ASIC2: variants seen among roughly 807,000 people sequenced by gnomAD.
ASIC2 encodes the protein acid-sensing ion channel 2.
Under a neutral mutation model 57.3 loss-of-function variants are expected in ASIC2, and 25 were observed. That is an observed-to-expected ratio of 0.44 (90% confidence interval 0.32 to 0.61). ASIC2 has a LOEUF of 0.61. ASIC2 is among the 20% of genes least tolerant of loss of function. ASIC2 has a pLI of 0.06. For synonymous variants in ASIC2, 319 were observed against 307.5 expected, an observed-to-expected ratio of 1.04 and a Z score of -0.39; for missense variants, 641 against 738.1, an observed-to-expected ratio of 0.87 and a Z score of 1.52.
At chr17:33,116,813 T>C (rs1429825898) in intron 1 of ASIC2, among the ~76,000 whole-genome samples, 2 of 152,156 alleles carry the variant, frequency 1.3e-5, no homozygotes, top group Admixed American at 1.3e-4. Context: ...TAGCTTCTAC[T>C]TTGTGCTGAC....
chr17:34,146,224 CTT>C (rs545884187), intron 1 of ASIC2, among the ~76,000 whole-genome samples: 94 of 152,282 alleles, frequency 6.2e-4, no homozygotes, highest in African/African-American at 2.3e-3. Flanking sequence ...TTATCGCCGT[CTT>C]GAGTTGAAAA....
At chr17:33,661,487 C>T (rs1907264176) in intron 1 of ASIC2, among the ~76,000 whole-genome samples, 2 of 152,172 alleles carry the variant, frequency 1.3e-5, no homozygotes, top group East Asian at 1.9e-4. Flanking sequence ...CTGGGTTCCC[C>T]TGGCCAAGTC....
chr17:33,086,790 T>A (rs1299867436), intron 3 of ASIC2, among the ~76,000 whole-genome samples: 1 of 152,110 alleles, frequency 6.6e-6, no homozygotes, highest in African/African-American at 2.4e-5. Flanking sequence ...TGTCTCCCCG[T>A]CTCTGTGGGA....
At chr17:33,177,995 T>TACACACAA (rs892634519) in intron 1 of ASIC2, among the ~76,000 whole-genome samples, 3 of 152,160 alleles carry the variant, frequency 2.0e-5, no homozygotes, top group African/African-American at 7.2e-5. Context: ...TGCACATACA[T>TACACACAA]ACACACAAAC....
At chr17:33,364,621 G>A (rs1466214292) in intron 1 of ASIC2, among the ~76,000 whole-genome samples, 3 of 152,128 alleles carry the variant, frequency 2.0e-5, no homozygotes, top group Admixed American at 2.0e-4. Context: ...TTGTGAAGAT[G>A]TGCTTGCTTC....
At chr17:33,946,313 T>G (rs56079229) in intron 1 of ASIC2, among the ~76,000 whole-genome samples, 19,522 of 152,156 alleles carry the variant, frequency 0.13, 1,404 homozygotes, top group South Asian at 0.22. Context: ...GACAGGTTGT[T>G]GGGTCTGGGG....
intron 3 of ASIC2, among the ~76,000 whole-genome samples, chr17:33,071,498 G>T (rs74797340): frequency 0.04 from 6,134 of 152,098 alleles, 189 homozygotes; most frequent in Non-Finnish European, 0.062. Context: ...ATGTTTTAAT[G>T]TCCTTGCTGG....
intron 1 of ASIC2, among the ~76,000 whole-genome samples, chr17:33,221,134 T>C (rs987200907): frequency 5.9e-5 from 9 of 152,184 alleles, no homozygotes; most frequent in African/African-American, 1.9e-4. Flanking sequence ...GAGTGGACAG[T>C]GGCTTCAATT....
chr17:33,940,680 A>C (rs1288480005), intron 1 of ASIC2, among the ~76,000 whole-genome samples: 2 of 152,334 alleles, frequency 1.3e-5, no homozygotes, highest in South Asian at 2.1e-4. Context: ...CTAGCAGGGG[A>C]CATAGTTATC....
chr17:33,479,977 C>T (rs1913351020), intron 1 of ASIC2, among the ~76,000 whole-genome samples: 1 of 152,204 alleles, frequency 6.6e-6, no homozygotes, highest in African/African-American at 2.4e-5. Context: ...CCCTCCTTCC[C>T]ATGGTGAACG....
chr17:33,734,735 C>A (rs115649366), intron 1 of ASIC2, among the ~76,000 whole-genome samples: 313 of 152,276 alleles, frequency 2.1e-3, no homozygotes, highest in African/African-American at 7.4e-3. Flanking sequence ...GTGCATCTTT[C>A]TCTGTGCACA....
chr17:33,164,004 G>A (rs111698087), intron 1 of ASIC2, among the ~76,000 whole-genome samples: 4 of 152,318 alleles, frequency 2.6e-5, no homozygotes, highest in Non-Finnish European at 4.4e-5. Flanking sequence ...ATTCATAGGC[G>A]GGAAAATGAG....
At chr17:33,858,213 C>A (rs1206987994) in intron 1 of ASIC2, among the ~76,000 whole-genome samples, 1 of 152,246 alleles carries the variant, frequency 6.6e-6, no homozygotes, top group Non-Finnish European at 1.5e-5. Context: ...AGGCACTGGG[C>A]CACAGCCTTT....
chr17:33,435,435 G>A (rs773467149), intron 1 of ASIC2, among the ~76,000 whole-genome samples: 1 of 152,152 alleles, frequency 6.6e-6, no homozygotes, highest in African/African-American at 2.4e-5. Flanking sequence ...GAGTCCATTT[G>A]AGTATCAATA....
chr17:33,649,346 G>T (rs190726474), intron 1 of ASIC2, among the ~76,000 whole-genome samples: 29 of 152,170 alleles, frequency 1.9e-4, no homozygotes, highest in African/African-American at 6.7e-4. Flanking sequence ...AATATGTACA[G>T]GACTGACTTG....
intron 1 of ASIC2, among the ~76,000 whole-genome samples, chr17:34,132,263 T>C (rs990958167): frequency 1.6e-4 from 25 of 152,092 alleles, no homozygotes; most frequent in African/African-American, 6.0e-4. Flanking sequence ...CGGGGACCTT[T>C]GTGGTGAGTG....
chr17:34,089,575 T>A (rs1910248547), intron 1 of ASIC2, among the ~76,000 whole-genome samples: 1 of 152,158 alleles, frequency 6.6e-6, no homozygotes, highest in Admixed American at 6.5e-5. Flanking sequence ...AAAAAGGAAC[T>A]GAATTTAAAA....
intron 1 of ASIC2, among the ~76,000 whole-genome samples, chr17:33,681,910 G>C (rs950642476): frequency 3.3e-5 from 5 of 152,094 alleles, no homozygotes; most frequent in Non-Finnish European, 7.4e-5. Context: ...GAACATGGTG[G>C]AGCCTCAATA....
chr17:33,747,359 G>A (rs965675067), intron 1 of ASIC2, among the ~76,000 whole-genome samples: 2 of 151,830 alleles, frequency 1.3e-5, no homozygotes, highest in Non-Finnish European at 2.9e-5. Context: ...AAGTAGCTGG[G>A]ACTACAGGCA....
Sources: allele counts gnomAD v4.1 joint callset (sites outside exome capture counted in the v4.1 genomes callset), GRCh38; gene constraint gnomAD v4.1.1; transcripts MANE v1.5; gene names NCBI Gene and HGNC (gene_info 2026-07-23, HGNC 2026-07-21).